CELF2: variants seen among roughly 807,000 people sequenced by gnomAD.
The protein encoded by CELF2 is CUGBP Elav-like family member 2, also known as CUG triplet repeat RNA-binding protein 2.
A neutral mutation model predicts 62.6 loss-of-function variants in CELF2; 8 were observed. That is an observed-to-expected ratio of 0.13 (90% CI 0.07 to 0.23). CELF2 has a LOEUF of 0.23. Ranked by LOEUF, CELF2 falls within the 10% of genes least tolerant of loss-of-function variation. The probability of loss-of-function intolerance (pLI) is 1.00; values close to 1 mark genes in which losing one functional copy is unlikely to be tolerated. For missense variants in CELF2, 333 were observed against 671.0 expected (o/e 0.50, Z 5.56); for synonymous variants, 258 against 250.0 (o/e 1.03, Z -0.30).
chr10:10,491,586 G>GT, the CELF2 span, among the ~76,000 whole-genome samples: 3 of 152,122 alleles, frequency 2.0e-5, no homozygotes, highest in Non-Finnish European at 4.4e-5. Context: ...CAAACTGTGG[G>GT]TATTAATTTT....
intron 2 of CELF2, among the ~76,000 whole-genome samples, chr10:11,193,722 G>A (rs965329755): frequency 6.6e-6 from 1 of 152,184 alleles, no homozygotes; most frequent in Non-Finnish European, 1.5e-5. Context: ...AATAATGCAG[G>A]TTTAACCAAA....
chr10:10,714,165 T>C, the CELF2 span, among the ~76,000 whole-genome samples: 1 of 152,180 alleles, frequency 6.6e-6, no homozygotes, highest in Non-Finnish European at 1.5e-5. Context: ...ATATTAAACA[T>C]CTTTTGGCCA....
chr10:10,852,508 A>G (rs2059445936), intron 1 of CELF2, among the ~76,000 whole-genome samples: 1 of 152,182 alleles, frequency 6.6e-6, no homozygotes, highest in South Asian at 2.1e-4. Context: ...TTGTGGTGGT[A>G]GAATTGTTGT....
chr10:11,115,320 AGCT>A (rs1243402086), intron 1 of CELF2, among the ~76,000 whole-genome samples: 2 of 152,226 alleles, frequency 1.3e-5, no homozygotes, highest in African/African-American at 4.8e-5. Context: ...CTGGCCCAGC[AGCT>A]GCAAAGAACC....
At chr10:10,634,725 G>A in the CELF2 span, among the ~76,000 whole-genome samples, 6 of 146,854 alleles carry the variant, frequency 4.1e-5, 1 homozygote, top group Admixed American at 4.1e-4. Flanking sequence ...GCAGTGGTGT[G>A]ATCTCGGCTC....
intron 2 of CELF2, among the ~76,000 whole-genome samples, chr10:11,168,687 C>T (rs752409489): frequency 2.0e-5 from 3 of 152,120 alleles, no homozygotes; most frequent in Non-Finnish European, 2.9e-5. Context: ...TGGTCCCAGG[C>T]AAAGAGACAG....
chr10:10,553,836 G>A, the CELF2 span, among the ~76,000 whole-genome samples: 1 of 152,196 alleles, frequency 6.6e-6, no homozygotes, highest in Non-Finnish European at 1.5e-5. Context: ...AGAGCTTGGG[G>A]AAGCTCAATG....
intron 1 of CELF2, among the ~76,000 whole-genome samples, chr10:10,845,837 G>A (rs1421409750): frequency 1.3e-5 from 2 of 151,934 alleles, no homozygotes; most frequent in Non-Finnish European, 2.9e-5. Context: ...CATACCTGCT[G>A]GATTAAGATT....
intron 1 of CELF2, among the ~76,000 whole-genome samples, chr10:10,865,304 T>C (rs1323364808): frequency 1.3e-5 from 2 of 152,236 alleles, no homozygotes; most frequent in African/African-American, 4.8e-5. Context: ...TCAAGTGGCA[T>C]GAAGGTTTTG....
the CELF2 span, among the ~76,000 whole-genome samples, chr10:10,488,106 A>C: frequency 6.6e-6 from 1 of 152,176 alleles, no homozygotes; most frequent in Non-Finnish European, 1.5e-5. Flanking sequence ...ACCATAAAAC[A>C]TTAATTTTGA....
intron 1 of CELF2, among the ~76,000 whole-genome samples, chr10:11,062,401 C>T (rs545771003): frequency 1.3e-5 from 2 of 152,244 alleles, no homozygotes; most frequent in East Asian, 3.9e-4. Flanking sequence ...AATTGAAAAC[C>T]TTCTGGAAAG....
Position 11,268,608 on chromosome 10 carries a change from T to C in CELF2, c.618+1931T>C, listed in dbSNP as rs1255902854. Among the ~76,000 whole-genome samples, 2 of 152,156 alleles carry C rather than the reference T, an allele frequency of 1.3e-5. No individual in the cohort carries two copies. Among genetic ancestry groups the C allele is most frequent in the Non-Finnish European group, 2.9e-5 (2 of 68,030 alleles). ...AGCCTTTGATCCTTTATTATTAATA[T>C]CTCTGTTATTTGAAAACCAAATTTG... On this transcript the variant is annotated intron_variant, in intron 6 of 12. Transcript: ENST00000633077. The surrounding 1 kb of genome is among the most constrained non-coding windows in gnomAD (Gnocchi z 4.7).
chr10:10,563,089 G>T, the CELF2 span, among the ~76,000 whole-genome samples: 1 of 152,048 alleles, frequency 6.6e-6, no homozygotes, highest in East Asian at 1.9e-4. Context: ...TCCTAGCCCC[G>T]TGAATGCCAT....
chr10:10,836,240 C>A (rs1030339387), intron 1 of CELF2, among the ~76,000 whole-genome samples: 3 of 151,968 alleles, frequency 2.0e-5, no homozygotes, highest in Non-Finnish European at 4.4e-5. Context: ...GAGGGGGGAC[C>A]TGAAGAACCA....
chr10:10,752,564 C>T, the CELF2 span, among the ~76,000 whole-genome samples: 7 of 148,418 alleles, frequency 4.7e-5, no homozygotes, highest in Non-Finnish European at 1.0e-4. Flanking sequence ...GTGGTGCATG[C>T]CTGTAATCCC....
chr10:11,077,098 G>A (rs1036576005), intron 1 of CELF2, among the ~76,000 whole-genome samples: 4 of 152,132 alleles, frequency 2.6e-5, no homozygotes, highest in South Asian at 4.1e-4. Context: ...GTCCTTTGCC[G>A]TTTTGCAAAC....
chr10:10,924,724 C>CTTTTTTTTTTTTTTTTTTTTT lies in CELF2; in HGVS notation c.89+4743_89+4744insTTTTTTTTTTTTTTTTTTTTT, dbSNP rs745848953. On this transcript the variant is annotated intron_variant, in intron 2 of 13. Transcript: ENST00000636488. ...GTATATTAATCCAGTAACTTGATCG[C>CTTTTTTTTTTTTTTTTTTTTT]TTTTTTTTTTTTTTTTTTGCCTTCT... 2.6e-4 allele frequency among the ~76,000 whole-genome samples: 23 copies of CTTTTTTTTTTTTTTTTTTTTT among 89,158 alleles called. 5 individuals are homozygous for CTTTTTTTTTTTTTTTTTTTTT. Among genetic ancestry groups the CTTTTTTTTTTTTTTTTTTTTT allele is most frequent in the African/African-American group, 6.1e-4 (13 of 21,150 alleles). The allele number at this position is 89,158 out of a possible 152,430, so 58.5% of individuals were successfully genotyped here.
Position 11,255,182 on chromosome 10 carries a change from A to T in CELF2, c.404-2556A>T, listed in dbSNP as rs998212368. 6.6e-6 allele frequency among the ~76,000 whole-genome samples: 1 copy of T among 152,168 alleles called. No homozygotes were observed. Among genetic ancestry groups the T allele is most frequent in the Non-Finnish European group, 1.5e-5 (1 of 68,034 alleles). On this transcript the variant is annotated intron_variant, in intron 4 of 12. Transcript: ENST00000633077. The surrounding 1 kb of genome is among the most constrained non-coding windows in gnomAD (Gnocchi z 5.5). ...CTACTTTGCCTTCTCTGAAGGGAGG[A>T]AAAAGAACTTGAATTAGAAGTTTTC...
rs147543720 is a variant in CELF2, at chr10:10,809,714, G to A, written c.53+10897G>A. ...GTTTGCAAGTAACTGAAAAGATTTTGGAAACTCTTCTTAGGCAAACATTAT... is the reference window on the plus strand; with the variant it reads ...GTTTGCAAGTAACTGAAAAGATTTTAGAAACTCTTCTTAGGCAAACATTAT... On this transcript the variant is annotated intron_variant, in intron 1 of 13. Coordinates refer to the CELF2 transcript ENST00000636488. Among the ~76,000 whole-genome samples the A allele has an allele frequency of 7.0e-4, 107 of 152,210 alleles. 1 individual carries two copies. The highest frequency in any genetic ancestry group is 2.4e-3 in the African/African-American group (101 of 41,534).
Sources: allele counts gnomAD v4.1 joint callset (sites outside exome capture counted in the v4.1 genomes callset), GRCh38; gene constraint gnomAD v4.1.1; non-coding constraint Gnocchi (gnomAD v3.1); transcripts MANE v1.5; gene names NCBI Gene and HGNC (gene_info 2026-07-23, HGNC 2026-07-21).